The following SPATA7 variants were observed in gnomAD, a reference collection of about 807,000 sequenced individuals.
SPATA7 encodes the protein spermatogenesis associated 7, also known as spermatogenesis-associated protein 7.
A neutral mutation model predicts 51.8 loss-of-function variants in SPATA7; 43 were observed. The observed-to-expected ratio is 0.83, with a 90% CI of 0.65 to 1.07. SPATA7 has a LOEUF of 1.07. Ranked by LOEUF, SPATA7 falls within the 50% of genes least tolerant of loss-of-function variation. The pLI, the probability that SPATA7 is intolerant of heterozygous loss-of-function variation, is 0.00. For synonymous variants in SPATA7, 230 were observed against 252.8 expected (o/e 0.91, Z 0.86); for missense variants, 683 against 701.3 (o/e 0.97, Z 0.30).
At chr14:88,437,409 C>A in intron 10 of SPATA7, 134 bp from the exon 11 acceptor site, 1 of 659,318 alleles carries the variant, frequency 1.5e-6, no homozygotes. Context: ...AAGGATTAGT[C>A]TTCAGCTTTA....
At chr14:88,422,332 G>C (rs939905151) in intron 5 of SPATA7, among the ~76,000 whole-genome samples, 10 of 152,120 alleles carry the variant, frequency 6.6e-5, no homozygotes, top group African/African-American at 2.4e-4. Context: ...CAATAGAGCT[G>C]CTTCCTTTAG....
At chr14:88,434,862 T>G (rs2077041726) in intron 10 of SPATA7, among the ~76,000 whole-genome samples, 1 of 152,150 alleles carries the variant, frequency 6.6e-6, no homozygotes. Flanking sequence ...TTTCTTGGGT[T>G]TTAATAAAAA....
At chr14:88,435,445 C>T (rs1298753012) in intron 10 of SPATA7, among the ~76,000 whole-genome samples, 2 of 152,094 alleles carry the variant, frequency 1.3e-5, no homozygotes, top group Admixed American at 1.3e-4. Flanking sequence ...GATCAGATTA[C>T]ATTCTCTAAG....
chr14:88,422,230 AG>A lies in SPATA7; in HGVS notation c.373-4000del, dbSNP rs551826469. Among the ~76,000 whole-genome samples, 1,320 of 152,254 alleles carry A rather than the reference AG, an allele frequency of 8.7e-3. 9 individuals are homozygous for A. The highest frequency in any genetic ancestry group is 0.015 in the Non-Finnish European group (1,023 of 68,020). On this transcript the variant is annotated intron_variant, in intron 5 of 11. Coordinates refer to ENST00000393545, the MANE Select transcript of SPATA7 (RefSeq NM_018418.5). ...GATATAAGCATCTGTGTCAGCAAAG[AG>A]GTCTGGGCTGAAAATAGACTTGGGA... is the stretch of plus-strand genomic sequence containing the variant.
intron 10 of SPATA7, among the ~76,000 whole-genome samples, chr14:88,436,275 T>G (rs2077084646): frequency 6.6e-6 from 1 of 152,160 alleles, no homozygotes; most frequent in Non-Finnish European, 1.5e-5. Context: ...TTTTTCCCTA[T>G]AAATCTAATA....
At chr14:88,423,881 C>G (rs117014812) in intron 5 of SPATA7, among the ~76,000 whole-genome samples, 1 of 152,074 alleles carries the variant, frequency 6.6e-6, no homozygotes, top group Non-Finnish European at 1.5e-5. Context: ...GTTTAAAAAT[C>G]CGACAATTGG....
chr14:88,456,022 A>G (rs1315980623), downstream of SPATA7, among the ~76,000 whole-genome samples: 3 of 151,892 alleles, frequency 2.0e-5, no homozygotes, highest in African/African-American at 7.3e-5. Flanking sequence ...GATGGTTTCC[A>G]GCTTCATCCA....
At chr14:88,436,138 T>C (rs1446200558) in intron 10 of SPATA7, among the ~76,000 whole-genome samples, 1 of 152,204 alleles carries the variant, frequency 6.6e-6, no homozygotes, top group Non-Finnish European at 1.5e-5. Flanking sequence ...CATTGTAGTT[T>C]TGATTTGCAT....
chr14:88,445,654 C>T (rs1027158753), intron 3 of SPATA7, among the ~76,000 whole-genome samples: 3,936 of 151,906 alleles, frequency 0.026, 172 homozygotes, highest in African/African-American at 0.089. Flanking sequence ...TTTTGAAATA[C>T]GTCCCATCAA....
At chr14:88,433,258 T>G (rs530571867) in intron 10 of SPATA7, 46 bp downstream of exon 10, 1 of 1,283,444 alleles carries the variant, frequency 7.8e-7, no homozygotes, top group East Asian at 2.3e-5. Flanking sequence ...GTACATTAAA[T>G]ATTCTTCATA....
intron 1 of SPATA7, among the ~76,000 whole-genome samples, chr14:88,390,776 T>G (rs2075722976): frequency 6.6e-6 from 1 of 152,144 alleles, no homozygotes; most frequent in Admixed American, 6.5e-5. Flanking sequence ...TTCTGAGAGT[T>G]TGTTGGTATT....
At position 88,426,232 on chromosome 14, in the gene SPATA7, C is replaced by T. The variant is rs2076788088; in HGVS notation, c.373C>T (p.Pro125Ser). ...TGACTGTCATATCGAATGTTCTTAGCCCTCAGGCGAACCGCAAATTGAGGA... is the reference window on the plus strand; with the variant it reads ...TGACTGTCATATCGAATGTTCTTAGTCCTCAGGCGAACCGCAAATTGAGGA... The part of the protein sequence containing the change: ...SKSLFNTLQK[P>S]SGEPQIEDDM... Residue 125 changes from proline (P) to serine (S), a missense_variant and splice_region_variant, in exon 6 of 12, where the codon CCC becomes TCC. Physicochemically the swap from Pro to Ser is moderately conservative, Grantham distance 74 (BLOSUM62 -1). Transcript: ENST00000393545. The T allele has an allele frequency of 6.2e-7, 1 of 1,610,692 alleles. No homozygotes were observed. Among genetic ancestry groups the T allele is most frequent in the Non-Finnish European group, 8.5e-7 (1 of 1,177,324 alleles).
At chr14:88,404,676 C>T (rs1184482222) in intron 4 of SPATA7, among the ~76,000 whole-genome samples, 1 of 152,120 alleles carries the variant, frequency 6.6e-6, no homozygotes, top group African/African-American at 2.4e-5. Flanking sequence ...AAGATCATGC[C>T]ATTGCACTCC....
chr14:88,449,689 C>T (rs1021396788), intron 3 of SPATA7, among the ~76,000 whole-genome samples: 1 of 151,940 alleles, frequency 6.6e-6, no homozygotes, highest in Non-Finnish European at 1.5e-5. Flanking sequence ...AAGTCCCCCA[C>T]TATTACTGTA....
rs2076883579 is a variant in SPATA7 at position 88,429,469 on chromosome 14, C to T, written c.1028+6C>T. On this transcript the variant is annotated splice_donor_region_variant and intron_variant, in intron 8 of 11. Transcript: ENST00000393545. ...CTTCAGCATTCCTCACCAAGGTAAACAGTTCACAGGAGAAATAATTTCAAC... is the reference window on the plus strand; with the variant it reads ...CTTCAGCATTCCTCACCAAGGTAAATAGTTCACAGGAGAAATAATTTCAAC... The T allele has an allele frequency of 6.4e-7, 1 of 1,556,510 alleles. No homozygotes were observed. The highest frequency in any genetic ancestry group is 8.9e-7 in the Non-Finnish European group (1 of 1,128,112).
At chr14:88,445,195 C>T (rs1042850703) in intron 3 of SPATA7, among the ~76,000 whole-genome samples, 1 of 150,798 alleles carries the variant, frequency 6.6e-6, no homozygotes, top group African/African-American at 2.4e-5. Flanking sequence ...TGAAGAGGTC[C>T]TTCACATCCC....
At chr14:88,440,083 C>G (rs147870794), downstream of SPATA7, among the ~76,000 whole-genome samples, 33 of 152,234 alleles carry the variant, frequency 2.2e-4, no homozygotes, top group East Asian at 5.4e-3. Context: ...CCCCAGGGTT[C>G]CTTTCTTCAG....
At chr14:88,468,014 A>G in intron 4 of SPATA7, 1 of 1,255,620 alleles carries the variant, frequency 8.0e-7, no homozygotes, top group Non-Finnish European at 1.1e-6. Flanking sequence ...AGACTGCGCC[A>G]CTTACGTCCC....
intron 3 of SPATA7, among the ~76,000 whole-genome samples, chr14:88,447,140 A>C (rs1269410696): frequency 6.7e-6 from 1 of 149,952 alleles, no homozygotes; most frequent in Non-Finnish European, 1.5e-5. Flanking sequence ...TAGGTCACTC[A>C]GGACTTGCTT....
Sources: gnomAD v4.1 joint callset for allele counts (sites outside exome capture counted in the v4.1 genomes callset) on GRCh38, gnomAD v4.1.1 for gene constraint, MANE v1.5 for transcripts, NCBI Gene and HGNC (gene_info 2026-07-23, HGNC 2026-07-21) for gene names.